The following HSF2 variants were observed in gnomAD, a reference collection of about 807,000 sequenced individuals.
HSF2 encodes the protein heat shock factor protein 2.
A neutral mutation model predicts 65.0 loss-of-function variants in HSF2; 21 were observed. The ratio of observed to expected loss-of-function variants is 0.32; its 90% confidence interval spans 0.23 to 0.47. The LOEUF is 0.47. HSF2 is among the 20% of genes least tolerant of loss of function. The probability of loss-of-function intolerance (pLI) is 1.00; values close to 1 mark genes in which losing one functional copy is unlikely to be tolerated. For missense variants in HSF2, 499 were observed against 628.1 expected (o/e 0.79, Z 2.20); for synonymous variants, 225 against 219.1 (o/e 1.03, Z -0.24).
rs1013264942 is a variant in HSF2 at position 122,433,074 on chromosome 6, C to T, written c.*854C>T. The T allele has an allele frequency of 6.6e-6, 1 of 152,126 alleles. No homozygotes were observed. Among genetic ancestry groups the T allele is most frequent in the African/African-American group, 2.4e-5 (1 of 41,422 alleles). 9.4% of individuals were successfully genotyped at this position (152,126 alleles called of 1,614,324 possible). The stretch of plus-strand genomic sequence containing the variant: ...GTGGTTCATTATTCTCAATATGAAT[C>T]ATACCAAGATATTTGTGCCTCATCT... On this transcript the variant is annotated 3_prime_UTR_variant, in exon 13 of 13. Coordinates refer to ENST00000368455, the MANE Select transcript of HSF2 (RefSeq NM_004506.4).
chr6:122,427,570 G>A (rs1156355872), intron 10 of HSF2, among the ~76,000 whole-genome samples: 3 of 151,676 alleles, frequency 2.0e-5, no homozygotes, highest in African/African-American at 7.3e-5. Flanking sequence ...TAAGGCCAAA[G>A]ACATTTAGAG....
chr6:122,429,573 A>G (rs1309385231), intron 11 of HSF2, among the ~76,000 whole-genome samples: 1 of 152,064 alleles, frequency 6.6e-6, no homozygotes, highest in Non-Finnish European at 1.5e-5. Context: ...AGCAATCTTA[A>G]TTGGCCACTA....
chr6:122,414,906 C>A (rs1052052902), intron 4 of HSF2, among the ~76,000 whole-genome samples: 1 of 152,138 alleles, frequency 6.6e-6, no homozygotes, highest in African/African-American at 2.4e-5. Context: ...CACGAGCCAC[C>A]GCACCCAGCC....
At chr6:122,400,315 A>G (rs529716219) in intron 1 of HSF2, among the ~76,000 whole-genome samples, 1 of 152,168 alleles carries the variant, frequency 6.6e-6, no homozygotes, top group Non-Finnish European at 1.5e-5. Flanking sequence ...AGTTCCCCCA[A>G]CATTGCTTTG....
intron 5 of HSF2, among the ~76,000 whole-genome samples, chr6:122,417,395 AT>A (rs910149571): frequency 5.3e-5 from 8 of 150,612 alleles, no homozygotes; most frequent in African/African-American, 7.3e-5. Flanking sequence ...TAATGTGTAG[AT>A]TTTTTTTTTC....
At chr6:122,425,697 T>C (rs1479789146) in intron 10 of HSF2, among the ~76,000 whole-genome samples, 1 of 152,044 alleles carries the variant, frequency 6.6e-6, no homozygotes, top group East Asian at 1.9e-4. Context: ...TACTATCTTC[T>C]ACTTAAGGGC....
chr6:122,412,269 G>C, intron 1 of HSF2, 104 bp from the exon 2 acceptor site: 1 of 692,772 alleles, frequency 1.4e-6, no homozygotes, highest in South Asian at 1.8e-5. Context: ...AGACATCAAG[G>C]AGGGACTGGA....
intron 6 of HSF2, 130 bp from the exon 7 acceptor site, chr6:122,420,005 T>C (rs112594563): frequency 2.1e-5 from 16 of 757,166 alleles, no homozygotes; most frequent in African/African-American, 2.0e-4. Flanking sequence ...TAAGTTTATT[T>C]ATTGTTACTG....
At chr6:122,421,171 C>T (rs1423112443) in intron 7 of HSF2, among the ~76,000 whole-genome samples, 1 of 151,928 alleles carries the variant, frequency 6.6e-6, no homozygotes, top group Non-Finnish European at 1.5e-5. Context: ...TAAATTTTTA[C>T]CTTCATTTTG....
chr6:122,427,396 T>A (rs1240531101), intron 10 of HSF2, among the ~76,000 whole-genome samples: 1 of 151,976 alleles, frequency 6.6e-6, no homozygotes. Context: ...TTGCGAGGTG[T>A]GGTGAAAAGA....
chr6:122,416,603 T>C (rs895351244), intron 5 of HSF2, among the ~76,000 whole-genome samples: 1 of 152,234 alleles, frequency 6.6e-6, no homozygotes, highest in African/African-American at 2.4e-5. Flanking sequence ...ATGAATACAC[T>C]ACCAATTTCT....
In HSF2 at chr6:122,399,671, C is replaced by T. The variant is rs373850467; in HGVS notation, c.-67C>T. ...GTGGGCGTTCTCGGGGAGCTGCTGCCGTAGCTGCCGCCGCCGCTACCACCG... is the reference window on the plus strand; with the variant it reads ...GTGGGCGTTCTCGGGGAGCTGCTGCTGTAGCTGCCGCCGCCGCTACCACCG... On this transcript the variant is annotated 5_prime_UTR_variant, in exon 1 of 13. Coordinates refer to ENST00000368455, the MANE Select transcript of HSF2 (RefSeq NM_004506.4). 68 of 1,355,470 alleles carry T rather than the reference C, an allele frequency of 5.0e-5. 1 individual carries two copies. The Admixed American group carries it at 6.5e-4, about 13-fold the overall frequency. The allele number at this position is 1,355,470 out of a possible 1,614,324, so 84.0% of individuals were successfully genotyped here. A position where few individuals can be genotyped will look rare whatever the true frequency, so the allele number is the denominator to read the frequency against.
chr6:122,421,669 G>A (rs1356632321), intron 7 of HSF2, among the ~76,000 whole-genome samples: 2 of 152,012 alleles, frequency 1.3e-5, no homozygotes. Flanking sequence ...AAGCTAACAT[G>A]TAACTGAGAG....
chr6:122,420,335 C>G, intron 7 of HSF2, 113 bp downstream of exon 7: 1 of 668,398 alleles, frequency 1.5e-6, no homozygotes, highest in Non-Finnish European at 2.3e-6. Flanking sequence ...AGTGTTCATC[C>G]CACAGCTTTG....
intron 1 of HSF2, 40 bp from the exon 2 acceptor site, chr6:122,412,333 T>C: frequency 8.4e-7 from 1 of 1,193,496 alleles, no homozygotes; most frequent in Non-Finnish European, 1.3e-6. Flanking sequence ...TCATAGGAAC[T>C]TAACTAATTT....
rs764041105 is a variant in HSF2, at chr6:122,399,711, A to C, written c.-27A>C. ...CGCTACCACCGCGTTCGGGTGTAGA[A>C]TTTGGAATCCCTGCGCCGCGTTAAC... On this transcript the variant is annotated 5_prime_UTR_variant, in exon 1 of 13. Transcript: ENST00000368455. The C allele has an allele frequency of 4.4e-6, 7 of 1,602,006 alleles. No individual in the cohort carries two copies. In the Admixed American group the frequency reaches 1.2e-4, roughly 27 times the overall value.
At chr6:122,400,779 T>C (rs887058914) in intron 1 of HSF2, among the ~76,000 whole-genome samples, 1 of 152,238 alleles carries the variant, frequency 6.6e-6, no homozygotes, top group Non-Finnish European at 1.5e-5. Context: ...GTTGGAATCA[T>C]TTTTATGAAG....
At chr6:122,414,065 T>C (rs1774064573) in intron 4 of HSF2, among the ~76,000 whole-genome samples, 2 of 152,140 alleles carry the variant, frequency 1.3e-5, no homozygotes, top group South Asian at 2.1e-4. Context: ...GATTTCTTTG[T>C]GTGGACTCTT....
intron 11 of HSF2, 116 bp from the exon 12 acceptor site, chr6:122,431,314 C>T: frequency 2.5e-6 from 1 of 401,488 alleles, no homozygotes; most frequent in East Asian, 4.1e-5. Context: ...CTGATGTTTC[C>T]CCATCTCATA....
Sources: allele counts gnomAD v4.1 joint callset (sites outside exome capture counted in the v4.1 genomes callset), GRCh38; gene constraint gnomAD v4.1.1; transcripts MANE v1.5; gene names NCBI Gene and HGNC (gene_info 2026-07-23, HGNC 2026-07-21).